The following TRAPPC9 variants were observed in gnomAD, a reference collection of about 807,000 sequenced individuals.
The protein encoded by TRAPPC9 is IKK2 binding protein.
TRAPPC9 carries 83 observed loss-of-function variants against 124.0 expected under a neutral mutation model. That is an observed-to-expected ratio of 0.67 (90% confidence interval 0.56 to 0.80). TRAPPC9 has a LOEUF of 0.80. Ranked by LOEUF, TRAPPC9 falls within the 30% of genes least tolerant of loss-of-function variation. The probability of loss-of-function intolerance (pLI) is 0.00; values close to 1 mark genes in which losing one functional copy is unlikely to be tolerated. For missense variants in TRAPPC9, 1,302 were observed against 1,508.3 expected (o/e 0.86, Z 2.27); for synonymous variants, 638 against 617.5 (o/e 1.03, Z -0.49).
intron 21 of TRAPPC9, among the ~76,000 whole-genome samples, chr8:139,851,573 C>T (rs1827465022): frequency 6.6e-6 from 1 of 152,104 alleles, no homozygotes; most frequent in Admixed American, 6.5e-5. Context: ...CTCTGGTCTC[C>T]AGAGGAAGCA....
At chr8:140,077,829 G>A (rs761373035) in intron 17 of TRAPPC9, among the ~76,000 whole-genome samples, 18 of 152,174 alleles carry the variant, frequency 1.2e-4, no homozygotes, top group South Asian at 4.1e-4. Context: ...CTGCAGGACC[G>A]CAGGGCCAGA....
At chr8:140,113,976 G>A (rs1181129353) in intron 17 of TRAPPC9, among the ~76,000 whole-genome samples, 1 of 152,220 alleles carries the variant, frequency 6.6e-6, no homozygotes, top group Non-Finnish European at 1.5e-5. Flanking sequence ...GCTCATTTAT[G>A]TAAGAGCTGC....
intron 21 of TRAPPC9, among the ~76,000 whole-genome samples, chr8:139,836,351 A>T (rs1826346860): frequency 6.6e-6 from 1 of 152,090 alleles, no homozygotes; most frequent in African/African-American, 2.4e-5. Flanking sequence ...TCCATCTCAG[A>T]CCCCGGAGCG....
At chr8:140,221,696 G>GCACCA in intron 16 of TRAPPC9, 113 bp from the exon 17 acceptor site, 1 of 1,399,546 alleles carries the variant, frequency 7.1e-7, no homozygotes, top group Non-Finnish European at 9.7e-7. Flanking sequence ...GGAGTGCAGT[G>GCACCA]GTGCAATCTC....
chr8:140,066,453 T>C (rs1842900201), intron 17 of TRAPPC9, among the ~76,000 whole-genome samples: 1 of 152,198 alleles, frequency 6.6e-6, no homozygotes, highest in South Asian at 2.1e-4. Context: ...GGCCACACAA[T>C]GAATATCTCT....
At chr8:140,262,056 G>C (rs989742779) in intron 15 of TRAPPC9, among the ~76,000 whole-genome samples, 3 of 152,062 alleles carry the variant, frequency 2.0e-5, no homozygotes, top group Non-Finnish European at 4.4e-5. Flanking sequence ...CTCTGAATAG[G>C]TCCTGCTATC....
Position 140,439,020 on chromosome 8 carries a change from C to T in TRAPPC9, c.730+32G>A, listed in dbSNP as rs1264646123. ...TTTTAATTAACAGTTGAAACAATTA[C>T]ATATCAGATCATCTTCATCAGCTCA... is the stretch of plus-strand genomic sequence containing the variant. On this transcript the variant is annotated intron_variant, in intron 3 of 22. Transcript: ENST00000438773. The T allele has an allele frequency of 2.5e-6, 4 of 1,613,738 alleles. No homozygotes were observed. In the East Asian group the frequency reaches 8.9e-5, roughly 36 times the overall value.
intron 17 of TRAPPC9, among the ~76,000 whole-genome samples, chr8:140,067,752 A>G (rs1336248464): frequency 2.0e-5 from 3 of 152,164 alleles, no homozygotes; most frequent in Non-Finnish European, 1.5e-5. Context: ...TTCTTTCTCT[A>G]TATGTGTTAT....
intron 19 of TRAPPC9, among the ~76,000 whole-genome samples, chr8:139,980,058 T>G (rs1252646792): frequency 6.7e-6 from 1 of 150,334 alleles, no homozygotes; most frequent in East Asian, 2.0e-4. Context: ...TACCCCCCAG[T>G]GACATCGCAC....
intron 19 of TRAPPC9, among the ~76,000 whole-genome samples, chr8:139,937,299 T>C (rs184499038): frequency 3.7e-4 from 56 of 152,284 alleles, no homozygotes; most frequent in African/African-American, 1.3e-3. Flanking sequence ...TAGACACAGA[T>C]AGCAATATGG....
intron 17 of TRAPPC9, among the ~76,000 whole-genome samples, chr8:140,204,989 G>C (rs1383833062): frequency 6.6e-6 from 1 of 152,218 alleles, no homozygotes; most frequent in African/African-American, 2.4e-5. Flanking sequence ...TACGCTGGAG[G>C]AGCTTGCTCA....
intron 21 of TRAPPC9, among the ~76,000 whole-genome samples, chr8:139,762,224 C>T (rs898820747): frequency 6.6e-6 from 1 of 151,832 alleles, no homozygotes; most frequent in African/African-American, 2.4e-5. Context: ...GCAGAGCGGC[C>T]CACTGCAAAA....
chr8:140,058,621 G>C (rs910808159), intron 17 of TRAPPC9, among the ~76,000 whole-genome samples: 1 of 152,168 alleles, frequency 6.6e-6, no homozygotes, highest in Non-Finnish European at 1.5e-5. Context: ...GCATCCTGAC[G>C]GAAACCTGCA....
At chr8:140,234,260 A>G (rs2131391038) in intron 16 of TRAPPC9, among the ~76,000 whole-genome samples, 1 of 152,202 alleles carries the variant, frequency 6.6e-6, no homozygotes, top group East Asian at 1.9e-4. Context: ...AGGTCGAACA[A>G]CTTCATCCAG....
chr8:140,036,771 C>T lies in TRAPPC9; in HGVS notation c.2557-12692G>A, dbSNP rs1163477398. Among the ~76,000 whole-genome samples the T allele has an allele frequency of 3.3e-5, 5 of 152,150 alleles. No homozygotes were observed. The East Asian group carries it at 9.6e-4, about 29-fold the overall frequency. On this transcript the variant is annotated intron_variant, in intron 17 of 22. Transcript: ENST00000438773. ...CCAGCGGAGCGACCCTCACCTGATG[C>T]CTGGGGTTCCTTGGAAGCTAAGATG...
intron 17 of TRAPPC9, among the ~76,000 whole-genome samples, chr8:140,141,617 TGTA>T (rs1213308169): frequency 6.6e-6 from 1 of 152,224 alleles, no homozygotes; most frequent in Non-Finnish European, 1.5e-5. Context: ...CACAGCTTGT[TGTA>T]GTGGTGCTCT....
intron 18 of TRAPPC9, among the ~76,000 whole-genome samples, chr8:140,023,713 G>A (rs886695924): frequency 3.3e-5 from 5 of 152,194 alleles, no homozygotes; most frequent in Admixed American, 3.3e-4. Context: ...ATTACAGCAC[G>A]GCGTGATATG....
intron 19 of TRAPPC9, among the ~76,000 whole-genome samples, chr8:139,988,105 C>CTTTTTT (rs773534032): frequency 1.7e-5 from 2 of 114,472 alleles, no homozygotes; most frequent in African/African-American, 6.5e-5. Flanking sequence ...GATACCACCT[C>CTTTTTT]TTTTTTTTTT....
At chr8:140,156,992 A>G (rs867283690) in intron 17 of TRAPPC9, among the ~76,000 whole-genome samples, 2,174 of 78,686 alleles carry the variant, frequency 0.028, 167 homozygotes, top group African/African-American at 0.054. Flanking sequence ...TTTCCATTCA[A>G]AAGCCTCCCT....
Sources: allele counts gnomAD v4.1 joint callset (sites outside exome capture counted in the v4.1 genomes callset), GRCh38; gene constraint gnomAD v4.1.1; transcripts MANE v1.5; gene names NCBI Gene and HGNC (gene_info 2026-07-23, HGNC 2026-07-21).